The following PRDM16 variants were observed in gnomAD, a reference collection of about 807,000 sequenced individuals.
The protein encoded by PRDM16 is PR/SET domain 16.
Under a neutral mutation model 110.6 loss-of-function variants are expected in PRDM16, and 23 were observed. The observed-to-expected ratio is 0.21, with a 90% CI of 0.15 to 0.29. The LOEUF is 0.29. Among genes scored for constraint, PRDM16 ranks in the 10% least tolerant of loss-of-function variants. PRDM16 has a pLI of 1.00. For missense variants in PRDM16, 1,615 were observed against 1,794.3 expected, an observed-to-expected ratio of 0.90 and a Z score of 1.81; for synonymous variants, 799 against 781.8, an observed-to-expected ratio of 1.02 and a Z score of -0.37.
At chr1:3,202,739 C>A (rs975416298) in intron 2 of PRDM16, among the ~76,000 whole-genome samples, 3 of 152,154 alleles carry the variant, frequency 2.0e-5, no homozygotes, top group Non-Finnish European at 2.9e-5. Flanking sequence ...GGCCCTGGCA[C>A]CACAGAAAGA....
At chr1:3,324,265 C>T (rs1641834229) in intron 3 of PRDM16, among the ~76,000 whole-genome samples, 1 of 152,090 alleles carries the variant, frequency 6.6e-6, no homozygotes. Context: ...GGAGGGGGCT[C>T]CGCCTGCAGG....
chr1:3,182,020 T>A (rs953627251), intron 1 of PRDM16, among the ~76,000 whole-genome samples: 1 of 152,222 alleles, frequency 6.6e-6, no homozygotes, highest in Non-Finnish European at 1.5e-5. Context: ...CACACTGTCT[T>A]ACACATGCTT....
chr1:3,247,260 GTTAA>G (rs1275895161), intron 3 of PRDM16, among the ~76,000 whole-genome samples: 4 of 152,348 alleles, frequency 2.6e-5, no homozygotes, highest in East Asian at 3.9e-4. Flanking sequence ...ATGTGACGAA[GTTAA>G]TTAATTCAAT....
chr1:3,412,770 C>A lies in PRDM16; in HGVS notation c.2573C>A (p.Pro858His). 6.7e-7 allele frequency: 1 copy of A among 1,487,020 alleles called. No homozygotes were observed. The highest frequency in any genetic ancestry group is 1.4e-5 in the South Asian group (1 of 73,450). 92.1% of individuals were successfully genotyped at this position (1,487,020 alleles called of 1,614,324 possible). A position where few individuals can be genotyped will look rare whatever the true frequency, so the allele number is the denominator to read the frequency against. The change falls in exon 9 of 17, where the codon CCC becomes CAC. Residue 858 changes from proline (P) to histidine (H), a missense_variant. Coordinates refer to ENST00000270722, the MANE Select transcript of PRDM16 (RefSeq NM_022114.4). ...PQQPPLHYAK[P>H]SPFFMDPIYS... ...CAGCCCCCGCTCCACTACGCCAAGCCCTCGCCCTTCTTCATGGACCCCATC... is the reference window on the plus strand; with the variant it reads ...CAGCCCCCGCTCCACTACGCCAAGCACTCGCCCTTCTTCATGGACCCCATC...
At chr1:3,392,087 AC>A (rs1165246836) in intron 4 of PRDM16, among the ~76,000 whole-genome samples, 2 of 152,236 alleles carry the variant, frequency 1.3e-5, no homozygotes, top group Non-Finnish European at 2.9e-5. Flanking sequence ...AATGCAGGGG[AC>A]GATCCTCAGC....
In PRDM16 at chr1:3,190,072, C is replaced by G. The variant is rs980747402; in HGVS notation, c.387+3598C>G. Among the ~76,000 whole-genome samples the G allele has an allele frequency of 6.6e-6, 1 of 152,128 alleles. No homozygotes were observed. Among genetic ancestry groups the G allele is most frequent in the African/African-American group, 2.4e-5 (1 of 41,426 alleles). On this transcript the variant is annotated intron_variant, in intron 2 of 16. Coordinates refer to ENST00000270722, the MANE Select transcript of PRDM16 (RefSeq NM_022114.4). The surrounding 1 kb of genome is among the most constrained non-coding windows in gnomAD (Gnocchi z 5.0). ...GGGTCAGGGGCTCTTCTCTCCCTGA[C>G]ATGGGGCCGATGTAGATGACAGCAT...
intron 2 of PRDM16, among the ~76,000 whole-genome samples, chr1:3,225,314 G>A (rs376244045): frequency 1.3e-5 from 2 of 152,128 alleles, no homozygotes; most frequent in African/African-American, 4.8e-5. Flanking sequence ...CCTGGCAAAC[G>A]GCGGTTTGGG....
At position 3,118,822 on chromosome 1, in the gene PRDM16, CG is replaced by C. The variant is rs781398551; in HGVS notation, c.37+49527del. On this transcript the variant is annotated intron_variant, in intron 1 of 16. Transcript: ENST00000270722. ...GTGCAAGTGTGTGTGCACGTGCATG[CG>C]CTGTGTGTGCACTTGCAGGTGTTTG... Among the ~76,000 whole-genome samples the C allele has an allele frequency of 4.6e-5, 7 of 152,314 alleles. No individual in the cohort carries two copies. In the South Asian group the frequency reaches 1.0e-3, roughly 23 times the overall value.
chr1:3,238,992 G>A (rs1277928864), intron 2 of PRDM16, among the ~76,000 whole-genome samples: 1 of 152,246 alleles, frequency 6.6e-6, no homozygotes, highest in African/African-American at 2.4e-5. Flanking sequence ...CGCGTCTGCG[G>A]TGCCTGGGAC....
chr1:3,411,321 G>A (rs368574588), intron 8 of PRDM16, 63 bp from the exon 9 acceptor site: 576 of 1,532,708 alleles, frequency 3.8e-4, no homozygotes, highest in Non-Finnish European at 4.9e-4. Context: ...TTCATGTGGC[G>A]TTTTCAGCAG....
At chr1:3,205,935 G>A (rs1168835052) in intron 2 of PRDM16, 1 of 152,332 alleles carries the variant, frequency 6.6e-6, no homozygotes, top group Non-Finnish European at 1.5e-5. Flanking sequence ...CTCTCCCAGG[G>A]ATCTGAATGC....
intron 1 of PRDM16, among the ~76,000 whole-genome samples, chr1:3,123,056 C>T (rs1643129081): frequency 6.6e-6 from 1 of 152,188 alleles, no homozygotes; most frequent in Non-Finnish European, 1.5e-5. Flanking sequence ...GATGAGAAGT[C>T]AGTGTTCTTC....
intron 1 of PRDM16, among the ~76,000 whole-genome samples, chr1:3,085,403 C>G (rs1159459662): frequency 6.6e-6 from 1 of 152,242 alleles, no homozygotes; most frequent in Admixed American, 6.5e-5. Context: ...AAGCTGCCAA[C>G]TGCTGGGACC....
chr1:3,301,413 C>T (rs537973418), intron 3 of PRDM16, among the ~76,000 whole-genome samples: 36 of 151,678 alleles, frequency 2.4e-4, no homozygotes, highest in Non-Finnish European at 4.0e-4. Context: ...AATGAAAAGC[C>T]AATAAATGCA....
At chr1:3,130,527 C>T (rs1038975216) in intron 1 of PRDM16, among the ~76,000 whole-genome samples, 6 of 152,190 alleles carry the variant, frequency 3.9e-5, no homozygotes, top group Admixed American at 3.9e-4. Context: ...CAGGGCTGCC[C>T]CCTGTCTATA....
rs1236017484 is a variant in PRDM16 at position 3,418,715 on chromosome 1, G to A, written c.2910G>A (p.Leu970=). 5 of 1,613,660 alleles carry A rather than the reference G, an allele frequency of 3.1e-6. No individual in the cohort carries two copies. Residue 970 remains leucine (L), a synonymous_variant, in exon 12 of 17, where the codon CTG becomes CTA. Coordinates refer to ENST00000270722, the MANE Select transcript of PRDM16 (RefSeq NM_022114.4). ...GATCAGCCAATCTCACCAGACACCT[G>A]AGGACGCACACTGGGGAGCAGCCGT... The part of the protein sequence containing the change: ...FPRSANLTRH[L]RTHTGEQPYR...
Position 3,402,801 on chromosome 1 carries a change from G to A in PRDM16, c.687G>A (p.Thr229=), listed in dbSNP as rs773103874. 22 of 1,611,382 alleles carry A rather than the reference G, an allele frequency of 1.4e-5. No individual in the cohort carries two copies. Among genetic ancestry groups the A allele is most frequent in the Middle Eastern group, 3.3e-4 (2 of 6,076 alleles). ...TVPPGLDEEP[T]FRCDECDELF... Reference sequence around the variant, plus strand: ...TTCTCTCTCTTGCAGAGGAGCCCACGTTCCGCTGTGACGAGTGTGACGAAC... The same window carrying A: ...TTCTCTCTCTTGCAGAGGAGCCCACATTCCGCTGTGACGAGTGTGACGAAC... The change falls in exon 6 of 17, where the codon ACG becomes ACA. Residue 229 remains threonine (T), a synonymous_variant. Coordinates refer to ENST00000270722, the MANE Select transcript of PRDM16 (RefSeq NM_022114.4).
chr1:3,296,064 C>G (rs1200387996), intron 3 of PRDM16, among the ~76,000 whole-genome samples: 1 of 152,222 alleles, frequency 6.6e-6, no homozygotes, highest in East Asian at 1.9e-4. Context: ...CCCGAAAGGA[C>G]AGCTGGAGCC....
chr1:3,189,477 C>A (rs767522902), intron 2 of PRDM16, among the ~76,000 whole-genome samples: 29 of 152,208 alleles, frequency 1.9e-4, no homozygotes, highest in Non-Finnish European at 3.8e-4. Context: ...GATCCCAGGT[C>A]AGGCCTGGGA....
Sources: allele counts gnomAD v4.1 joint callset (sites outside exome capture counted in the v4.1 genomes callset), GRCh38; gene constraint gnomAD v4.1.1; non-coding constraint Gnocchi (gnomAD v3.1); transcripts MANE v1.5; gene names NCBI Gene and HGNC (gene_info 2026-07-23, HGNC 2026-07-21).